Variants in RAP1GDS1 observed in about 807,000 individuals in gnomAD.
The protein encoded by RAP1GDS1 is Rap1 GTPase-GDP dissociation stimulator 1.
A neutral mutation model predicts 71.1 loss-of-function variants in RAP1GDS1; 35 were observed. The ratio of observed to expected loss-of-function variants is 0.49; its 90% confidence interval spans 0.38 to 0.65. The LOEUF (loss-of-function observed/expected upper bound fraction) is 0.65. Ranked by LOEUF, RAP1GDS1 falls within the 30% of genes least tolerant of loss-of-function variation. The pLI is 0.00. For missense variants in RAP1GDS1, 663 were observed against 706.1 expected (o/e 0.94, Z 0.69); for synonymous variants, 229 against 243.1 (o/e 0.94, Z 0.54).
intron 7 of RAP1GDS1, among the ~76,000 whole-genome samples, chr4:98,411,888 C>T (rs1747116898): frequency 6.6e-6 from 1 of 152,038 alleles, no homozygotes; most frequent in Non-Finnish European, 1.5e-5. Context: ...TTCTAGTCAC[C>T]ACACATCTCT....
At chr4:98,402,048 A>T (rs10032785) in intron 6 of RAP1GDS1, among the ~76,000 whole-genome samples, 1 of 152,054 alleles carries the variant, frequency 6.6e-6, no homozygotes, top group Non-Finnish European at 1.5e-5. Context: ...AGTTCCAGGG[A>T]TAAATCATCT....
At chr4:98,318,810 T>G (rs1182070495) in intron 2 of RAP1GDS1, among the ~76,000 whole-genome samples, 4 of 152,164 alleles carry the variant, frequency 2.6e-5, no homozygotes, top group Non-Finnish European at 4.4e-5. Context: ...GATGGAAGTG[T>G]GAGATTTCAT....
At chr4:98,321,698 A>C (rs1276492388) in intron 2 of RAP1GDS1, among the ~76,000 whole-genome samples, 16 of 131,914 alleles carry the variant, frequency 1.2e-4, no homozygotes, top group African/African-American at 3.5e-4. Context: ...GAAATAAAAT[A>C]CTTTACAGAC....
intron 10 of RAP1GDS1, among the ~76,000 whole-genome samples, chr4:98,419,676 T>C (rs1045540392): frequency 6.6e-6 from 1 of 152,184 alleles, no homozygotes; most frequent in African/African-American, 2.4e-5. Flanking sequence ...ATTAACACAG[T>C]TGGATCAAAA....
chr4:98,395,235 A>T (rs1054344628), intron 6 of RAP1GDS1, among the ~76,000 whole-genome samples: 2 of 152,174 alleles, frequency 1.3e-5, no homozygotes, highest in African/African-American at 2.4e-5. Flanking sequence ...TACTATATAT[A>T]TAATAGGCAT....
intron 12 of RAP1GDS1, among the ~76,000 whole-genome samples, chr4:98,428,354 A>C (rs1578854909): frequency 6.6e-6 from 1 of 152,206 alleles, no homozygotes; most frequent in Admixed American, 6.5e-5. Context: ...AATAGCTGGG[A>C]CTTAATTAAA....
chr4:98,355,459 A>G (rs894571606), intron 4 of RAP1GDS1, among the ~76,000 whole-genome samples: 31 of 152,212 alleles, frequency 2.0e-4, no homozygotes, highest in Non-Finnish European at 4.3e-4. Flanking sequence ...GGCTTACAGT[A>G]GATAGTAAAG....
chr4:98,282,810 G>T (rs1725350144), intron 1 of RAP1GDS1, among the ~76,000 whole-genome samples: 1 of 152,198 alleles, frequency 6.6e-6, no homozygotes, highest in East Asian at 1.9e-4. Context: ...AGAGATTCTG[G>T]TGTGTTGTGT....
At chr4:98,308,218 A>G (rs1356510489) in intron 2 of RAP1GDS1, among the ~76,000 whole-genome samples, 1 of 148,698 alleles carries the variant, frequency 6.7e-6, no homozygotes, top group East Asian at 2.0e-4. Flanking sequence ...GTATATAGGT[A>G]TATACATATA....
chr4:98,369,742 A>AAATGCTCAGT (rs1442691046), intron 4 of RAP1GDS1, among the ~76,000 whole-genome samples: 11 of 152,176 alleles, frequency 7.2e-5, no homozygotes, highest in African/African-American at 2.7e-4. Flanking sequence ...GTTGTGATGA[A>AAATGCTCAGT]AATGCTCAGT....
chr4:98,394,539 C>T (rs763591556), intron 6 of RAP1GDS1, among the ~76,000 whole-genome samples: 12 of 152,022 alleles, frequency 7.9e-5, no homozygotes, highest in Admixed American at 2.6e-4. Flanking sequence ...TCAAACCTTA[C>T]TCACCTTTAC....
At chr4:98,313,087 A>G (rs1461885633) in intron 2 of RAP1GDS1, among the ~76,000 whole-genome samples, 4 of 150,690 alleles carry the variant, frequency 2.7e-5, no homozygotes, top group African/African-American at 4.9e-5. Flanking sequence ...AAAAAAAAAA[A>G]AAAAAAAAAA....
intron 4 of RAP1GDS1, among the ~76,000 whole-genome samples, chr4:98,376,914 AATTGT>A (rs1253359912): frequency 6.6e-6 from 1 of 151,990 alleles, no homozygotes; most frequent in Non-Finnish European, 1.5e-5. Context: ...ATTTGCTTTT[AATTGT>A]ATTGTGTTTT....
chr4:98,326,227 A>C (rs1313521510), intron 2 of RAP1GDS1, among the ~76,000 whole-genome samples: 1 of 152,180 alleles, frequency 6.6e-6, no homozygotes, highest in Non-Finnish European at 1.5e-5. Context: ...AATATTTCAT[A>C]GTTAACGCAG....
At chr4:98,316,199 G>A (rs1383622936) in intron 2 of RAP1GDS1, among the ~76,000 whole-genome samples, 1 of 152,022 alleles carries the variant, frequency 6.6e-6, no homozygotes, top group African/African-American at 2.4e-5. Context: ...TGAAATCATT[G>A]GTCTTTTTTT....
intron 1 of RAP1GDS1, among the ~76,000 whole-genome samples, chr4:98,282,405 T>TTA (rs1421556711): frequency 6.6e-6 from 1 of 152,206 alleles, no homozygotes; most frequent in African/African-American, 2.4e-5. Flanking sequence ...GTAGAGGTGT[T>TTA]TATAGTATTC....
At chr4:98,429,373 GAGACTATT>G (rs1750081337) in intron 12 of RAP1GDS1, among the ~76,000 whole-genome samples, 1 of 152,136 alleles carries the variant, frequency 6.6e-6, no homozygotes, top group East Asian at 1.9e-4. Context: ...GATGAGATTG[GAGACTATT>G]ATTCTGACTC....
At chr4:98,300,690 C>T (rs1195730256) in intron 2 of RAP1GDS1, among the ~76,000 whole-genome samples, 1 of 152,002 alleles carries the variant, frequency 6.6e-6, no homozygotes, top group Non-Finnish European at 1.5e-5. Context: ...CATGAGCCAC[C>T]GTGCCCAGCC....
chr4:98,278,224 C>T (rs1724523424), intron 1 of RAP1GDS1, among the ~76,000 whole-genome samples: 1 of 152,030 alleles, frequency 6.6e-6, no homozygotes. Flanking sequence ...GTACAATACC[C>T]TAGGCTGCAT....
Sources: allele counts gnomAD v4.1 joint callset (sites outside exome capture counted in the v4.1 genomes callset), GRCh38; gene constraint gnomAD v4.1.1; transcripts MANE v1.5; gene names NCBI Gene and HGNC (gene_info 2026-07-23, HGNC 2026-07-21).